The following SLC35F1 variants were observed in gnomAD, a reference collection of about 807,000 sequenced individuals.
The protein encoded by SLC35F1 is chromosome 6 open reading frame 169.
In SLC35F1, 14 loss-of-function variants were observed where a neutral mutation model predicts 48.7. The observed-to-expected ratio is 0.29, with a 90% confidence interval of 0.19 to 0.45. SLC35F1 has a LOEUF of 0.45. Among genes scored for constraint, SLC35F1 ranks in the 20% least tolerant of loss-of-function variants. SLC35F1 has a pLI of 1.00. For missense variants in SLC35F1, 404 were observed against 500.0 expected (o/e 0.81, Z 1.83); for synonymous variants, 190 against 202.2 (o/e 0.94, Z 0.51).
intron 1 of SLC35F1, among the ~76,000 whole-genome samples, chr6:118,098,694 G>A (rs1459433698): frequency 6.6e-6 from 1 of 152,060 alleles, no homozygotes; most frequent in East Asian, 1.9e-4. Flanking sequence ...TGTCTTATTT[G>A]ATAACTAAGC....
intron 2 of SLC35F1, among the ~76,000 whole-genome samples, chr6:118,185,437 A>G (rs769749098): frequency 6.6e-6 from 1 of 152,182 alleles, no homozygotes; most frequent in African/African-American, 2.4e-5. Context: ...AAGGGTAGGA[A>G]TAGAGAAAAA....
intron 1 of SLC35F1, among the ~76,000 whole-genome samples, chr6:118,106,677 C>T (rs1373184334): frequency 6.6e-6 from 1 of 152,208 alleles, no homozygotes; most frequent in East Asian, 1.9e-4. Flanking sequence ...TTTCCATTCT[C>T]TCTGTTGAAA....
intron 1 of SLC35F1, among the ~76,000 whole-genome samples, chr6:117,998,210 A>C (rs1476719928): frequency 4.1e-5 from 6 of 147,634 alleles, no homozygotes; most frequent in Admixed American, 6.8e-5. Context: ...GGATCAATTC[A>C]ACAAGAAGAG....
chr6:117,934,861 C>T (rs1353431062), intron 1 of SLC35F1, among the ~76,000 whole-genome samples: 1 of 152,088 alleles, frequency 6.6e-6, no homozygotes, highest in Admixed American at 6.5e-5. Context: ...CATCCCAGAA[C>T]TTTGGGAGGC....
At chr6:118,005,489 C>T (rs1360745025) in intron 1 of SLC35F1, among the ~76,000 whole-genome samples, 19 of 152,102 alleles carry the variant, frequency 1.2e-4, no homozygotes, top group South Asian at 2.1e-4. Flanking sequence ...CTAGACATTC[C>T]CTATTCTTCC....
chr6:117,939,366 G>C (rs1776200795), intron 1 of SLC35F1, among the ~76,000 whole-genome samples: 1 of 152,182 alleles, frequency 6.6e-6, no homozygotes, highest in African/African-American at 2.4e-5. Flanking sequence ...AGACAGATCT[G>C]AGTCTGACTT....
At position 118,305,048 on chromosome 6, in the gene SLC35F1, ATGTGTG is replaced by A. The variant is rs758520455; in HGVS notation, c.1003-8940_1003-8935del. On this transcript the variant is annotated intron_variant, in intron 7 of 7. Coordinates refer to ENST00000360388, the MANE Select transcript of SLC35F1 (RefSeq NM_001029858.4). ...TAGCAGAGAAACAGAATCAACAGGA[ATGTGTG>A]TGTGTGTGTGTGTGTGTGTGTGTGT... Among the ~76,000 whole-genome samples, 323 of 80,220 alleles carry A rather than the reference ATGTGTG, an allele frequency of 4.0e-3. 9 individuals are homozygous for A. Among genetic ancestry groups the A allele is most frequent in the Middle Eastern group, 0.027 (4 of 146 alleles). The allele number at this position is 80,220 out of a possible 152,430, so 52.6% of individuals were successfully genotyped here.
intron 1 of SLC35F1, among the ~76,000 whole-genome samples, chr6:118,119,950 A>G (rs949186058): frequency 6.6e-6 from 1 of 152,168 alleles, no homozygotes; most frequent in African/African-American, 2.4e-5. Context: ...ACCATAGTTC[A>G]AAGAAAGACC....
At chr6:118,291,976 G>A (rs1776129473) in intron 7 of SLC35F1, among the ~76,000 whole-genome samples, 1 of 152,046 alleles carries the variant, frequency 6.6e-6, no homozygotes, top group Non-Finnish European at 1.5e-5. Context: ...AAATTAGCTG[G>A]GCATGGTGGC....
At chr6:118,122,231 T>C (rs148209774) in intron 1 of SLC35F1, among the ~76,000 whole-genome samples, 166 of 149,888 alleles carry the variant, frequency 1.1e-3, no homozygotes, top group African/African-American at 3.9e-3. Flanking sequence ...TTTTCTCCTT[T>C]TTTTGTTCTA....
chr6:117,978,628 C>G (rs922465330), intron 1 of SLC35F1, among the ~76,000 whole-genome samples: 1 of 152,200 alleles, frequency 6.6e-6, no homozygotes, highest in Non-Finnish European at 1.5e-5. Flanking sequence ...CAGCTTTCCT[C>G]TGGCAGAAAC....
chr6:117,921,013 C>A (rs1775891039), intron 1 of SLC35F1, among the ~76,000 whole-genome samples: 1 of 151,444 alleles, frequency 6.6e-6, no homozygotes. Flanking sequence ...CTTTGTCTAT[C>A]CGCCTGAGTC....
In SLC35F1 at chr6:118,009,287, CTT is replaced by C. The variant is rs199529081; in HGVS notation, c.173+101390_173+101391del. ...AGGAGATCCTAAAGATGGTGGTACT[CTT>C]TAATTTTCCAAAATTAGACATTAGG... On this transcript the variant is annotated intron_variant, in intron 1 of 7. Coordinates refer to ENST00000360388, the MANE Select transcript of SLC35F1 (RefSeq NM_001029858.4). 1.6e-4 allele frequency among the ~76,000 whole-genome samples: 25 copies of C among 152,206 alleles called. No individual in the cohort carries two copies. In the East Asian group the frequency reaches 3.9e-3, roughly 24 times the overall value.
intron 1 of SLC35F1, among the ~76,000 whole-genome samples, chr6:117,923,702 T>TATATGTAA (rs1775958133): frequency 5.7e-5 from 1 of 17,470 alleles, no homozygotes; most frequent in African/African-American, 1.5e-4. Flanking sequence ...TACATATACA[T>TATATGTAA]ATATGTACAT....
chr6:117,997,836 A>G (rs185415251), intron 1 of SLC35F1, among the ~76,000 whole-genome samples: 1 of 152,244 alleles, frequency 6.6e-6, no homozygotes, highest in Non-Finnish European at 1.5e-5. Context: ...AATTGTAAAG[A>G]CCATCAAGGC....
intron 1 of SLC35F1, among the ~76,000 whole-genome samples, chr6:118,125,079 C>G (rs1358213727): frequency 6.6e-6 from 1 of 152,156 alleles, no homozygotes; most frequent in Non-Finnish European, 1.5e-5. Flanking sequence ...ACTATTTGCA[C>G]AAACTCATGT....
At position 118,278,750 on chromosome 6, in the gene SLC35F1, C is replaced by T. The variant is rs530863861; in HGVS notation, c.847+1204C>T. Among the ~76,000 whole-genome samples the T allele has an allele frequency of 2.0e-5, 3 of 152,334 alleles. No homozygotes were observed. The South Asian group carries it at 6.2e-4, about 32-fold the overall frequency. ...TTACAGAAAGCATTTGTCTTTGTGA[C>T]CCACAACACCAGAAAACAAAATGTT... is the stretch of plus-strand genomic sequence containing the variant. On this transcript the variant is annotated intron_variant, in intron 6 of 7. Transcript: ENST00000360388.
chr6:118,258,766 T>A (rs889818036), intron 3 of SLC35F1, among the ~76,000 whole-genome samples: 1 of 151,916 alleles, frequency 6.6e-6, no homozygotes, highest in African/African-American at 2.4e-5. Context: ...AGAGAAAATA[T>A]TGCAGAGCAA....
chr6:118,087,802 T>C (rs952397708), intron 1 of SLC35F1, among the ~76,000 whole-genome samples: 6 of 152,234 alleles, frequency 3.9e-5, no homozygotes, highest in African/African-American at 1.4e-4. Flanking sequence ...GTTTATTTAA[T>C]GTTTCTATTA....
Sources: gnomAD v4.1 joint callset for allele counts (sites outside exome capture counted in the v4.1 genomes callset) on GRCh38, gnomAD v4.1.1 for gene constraint, MANE v1.5 for transcripts, NCBI Gene and HGNC (gene_info 2026-07-23, HGNC 2026-07-21) for gene names.